Variants in CDH1 observed in about 807,000 individuals in gnomAD.
CDH1 encodes cadherin 1.
In CDH1, 35 loss-of-function variants were observed where a neutral mutation model predicts 84.5. The ratio of observed to expected loss-of-function variants is 0.41; its 90% confidence interval spans 0.32 to 0.55. CDH1 has a LOEUF of 0.55. Ranked by LOEUF, CDH1 falls within the 20% of genes least tolerant of loss-of-function variation. The probability of loss-of-function intolerance (pLI) is 0.19; values close to 1 mark genes in which losing one functional copy is unlikely to be tolerated. For missense variants in CDH1, 994 were observed against 1,126.6 expected (o/e 0.88, Z 1.68); for synonymous variants, 417 against 439.0 (o/e 0.95, Z 0.63).
chr16:68,766,391 C>T (rs1349186232), intron 2 of CDH1, among the ~76,000 whole-genome samples: 1 of 152,212 alleles, frequency 6.6e-6, no homozygotes, highest in Admixed American at 6.5e-5. Context: ...TGCACCGCTT[C>T]CCTTCCTTGA....
rs35590027 is a variant in CDH1 at position 68,793,930 on chromosome 16, C to CA, written c.164-7719dup. On this transcript the variant is annotated intron_variant, in intron 2 of 15. Coordinates refer to ENST00000261769, the MANE Select transcript of CDH1 (RefSeq NM_004360.5). ...TGGGCAACAGAGCAAGACTCTGTCT[C>CA]AAAAAAAAAAAAAAAAAAAAAGTGG... Among the ~76,000 whole-genome samples, 283 of 86,232 alleles carry CA rather than the reference C, an allele frequency of 3.3e-3. 3 individuals carry two copies. Among genetic ancestry groups the CA allele is most frequent in the Middle Eastern group, 0.011 (2 of 174 alleles). 56.6% of individuals were successfully genotyped at this position (86,232 alleles called of 152,430 possible). A position where few individuals can be genotyped will look rare whatever the true frequency, so the allele number is the denominator to read the frequency against.
At chr16:68,791,102 G>C (rs1334190113) in intron 2 of CDH1, among the ~76,000 whole-genome samples, 6 of 152,166 alleles carry the variant, frequency 3.9e-5, no homozygotes, top group Admixed American at 2.0e-4. Context: ...GTGGGCAGGA[G>C]TGGTTATCTG....
intron 2 of CDH1, chr16:68,765,086 C>T (rs1959328748): frequency 6.6e-6 from 1 of 152,346 alleles, no homozygotes; most frequent in African/African-American, 2.4e-5. Flanking sequence ...GAGCAGAAAA[C>T]AGATCCAGCA....
chr16:68,783,134 C>G (rs1046176349), intron 2 of CDH1, among the ~76,000 whole-genome samples: 1 of 152,044 alleles, frequency 6.6e-6, no homozygotes, highest in African/African-American at 2.4e-5. Flanking sequence ...TGGTGGCTCA[C>G]TCCTGTAATC....
chr16:68,754,139 T>G (rs1962961062), intron 2 of CDH1, among the ~76,000 whole-genome samples: 2 of 143,030 alleles, frequency 1.4e-5, no homozygotes, highest in African/African-American at 2.6e-5. Context: ...AAAAAATTAT[T>G]CGGCAGGGCA....
intron 11 of CDH1, 70 bp downstream of exon 11, chr16:68,819,495 CTTTT>C: frequency 6.9e-7 from 1 of 1,455,356 alleles, no homozygotes; most frequent in Non-Finnish European, 9.6e-7. Flanking sequence ...CCCCTCCCTT[CTTTT>C]GGAGGGAAGA....
chr16:68,787,987 C>A (rs9931853), intron 2 of CDH1, among the ~76,000 whole-genome samples: 8 of 151,898 alleles, frequency 5.3e-5, no homozygotes, highest in East Asian at 1.9e-4. Context: ...CACCACGCCC[C>A]GCTAATTTTT....
chr16:68,798,078 C>CAA lies in CDH1; in HGVS notation c.164-3581_164-3580dup, dbSNP rs71148950. Reference sequence around the variant, plus strand: ...TGGGTGACAGAGTGACACTCTGTCTCAAAAAAAAAAAAGACTTTCCCACAT... The same window carrying CAA: ...TGGGTGACAGAGTGACACTCTGTCTCAAAAAAAAAAAAAAGACTTTCCCACAT... On this transcript the variant is annotated intron_variant, in intron 2 of 15. Transcript: ENST00000261769. Among the ~76,000 whole-genome samples, 322 of 139,210 alleles carry CAA rather than the reference C, an allele frequency of 2.3e-3. 1 individual carries two copies. The highest frequency in any genetic ancestry group is 4.7e-3 in the Admixed American group (65 of 13,828). 91.3% of individuals were successfully genotyped at this position (139,210 alleles called of 152,430 possible). A position where few individuals can be genotyped will look rare whatever the true frequency, so the allele number is the denominator to read the frequency against.
rs144500964 is a variant in CDH1, at chr16:68,810,727, G to T, written c.832+386G>T. Among the ~76,000 whole-genome samples the T allele has an allele frequency of 3.2e-4, 49 of 151,978 alleles. 2 individuals are homozygous for T. The East Asian group carries it at 7.0e-3, about 22-fold the overall frequency. On this transcript the variant is annotated intron_variant, in intron 6 of 15. Coordinates refer to ENST00000261769, the MANE Select transcript of CDH1 (RefSeq NM_004360.5). ...AAAAATACAAAAAAATTAGCCGGTC[G>T]TGGTGGCGGGGGCCTGTAATCCCAG...
chr16:68,776,337 A>G (rs1390546766), intron 2 of CDH1, among the ~76,000 whole-genome samples: 1 of 152,174 alleles, frequency 6.6e-6, no homozygotes, highest in Non-Finnish European at 1.5e-5. Flanking sequence ...TAGTTCATAT[A>G]CTTTTACTAT....
In CDH1 at chr16:68,738,409, G is replaced by A. The variant is rs876658680; in HGVS notation, c.161G>A (p.Arg54Lys). 2.6e-6 allele frequency: 4 copies of A among 1,543,472 alleles called. No individual in the cohort carries two copies. The highest frequency in any genetic ancestry group is 3.5e-6 in the Non-Finnish European group (4 of 1,140,820). The change falls in exon 2 of 16, where the codon AGA becomes AAA. Residue 54 changes from arginine (R) to lysine (K), a missense_variant and splice_region_variant. This residue lies in a region of CDH1 where 203 missense variants were observed against 194.0 expected (regional missense o/e 1.05). Transcript: ENST00000261769. The part of the protein sequence containing the change: ...RHLERGRVLG[R>K]VNFEDCTGRQ... ...CTGGAGAGAGGCCGCGTCCTGGGCA[G>A]AGGTGAGGGCGCGCTGCCGGTGTCC...
At chr16:68,802,983 G>A (rs552020630) in intron 3 of CDH1, among the ~76,000 whole-genome samples, 2 of 152,304 alleles carry the variant, frequency 1.3e-5, no homozygotes, top group African/African-American at 2.4e-5. Context: ...AGGATGGATG[G>A]ATGTCTGCCT....
In CDH1 at chr16:68,819,267, TGTCCCC is replaced by T; in HGVS notation, c.1566-10_1566-5del. 6.2e-7 allele frequency: 1 copy of T among 1,614,204 alleles called. No homozygotes were observed. The highest frequency in any genetic ancestry group is 8.5e-7 in the Non-Finnish European group (1 of 1,180,018). The stretch of plus-strand genomic sequence containing the variant: ...TGGTCCTATTCTAAAAGCCAGAGCT[TGTCCCC>T]GTTCAGATATCGGATTTGGAGAGAC... On this transcript the variant is annotated splice_polypyrimidine_tract_variant and splice_region_variant and intron_variant, in intron 10 of 15. Coordinates refer to ENST00000261769, the MANE Select transcript of CDH1 (RefSeq NM_004360.5).
At chr16:68,826,787 T>A (rs895505862) in intron 13 of CDH1, among the ~76,000 whole-genome samples, 46 of 152,174 alleles carry the variant, frequency 3.0e-4, no homozygotes, top group African/African-American at 1.1e-3. Flanking sequence ...GGGGACTGTG[T>A]AGCTCCTATA....
At position 68,808,695 on chromosome 16, in the gene CDH1, C is replaced by T. The variant is rs2152130046; in HGVS notation, c.534C>T (p.Ile178=). The T allele has an allele frequency of 6.2e-7, 1 of 1,614,044 alleles. No homozygotes were observed. Among genetic ancestry groups the T allele is most frequent in the Non-Finnish European group, 8.5e-7 (1 of 1,179,982 alleles). Residue 178 remains isoleucine (I), a splice_region_variant and synonymous_variant, in exon 5 of 16, where the codon ATC becomes ATT. Coordinates refer to ENST00000261769, the MANE Select transcript of CDH1 (RefSeq NM_004360.5). ...TTTTTCTTTCATTTTGTCTTCAGAT[C>T]AAATCCAACAAAGACAAAGAAGGCA... ...KGPFPKNLVQ[I]KSNKDKEGKV...
intron 2 of CDH1, among the ~76,000 whole-genome samples, chr16:68,751,493 CTTATTTAT>C (rs55979620): frequency 1.3e-5 from 2 of 149,116 alleles, no homozygotes; most frequent in Non-Finnish European, 3.0e-5. Flanking sequence ...TCTTGAACCC[CTTATTTAT>C]TTATTTATTT....
intron 2 of CDH1, among the ~76,000 whole-genome samples, chr16:68,792,072 C>A (rs529253523): frequency 6.6e-6 from 1 of 151,608 alleles, no homozygotes; most frequent in African/African-American, 2.4e-5. Flanking sequence ...AGGTGCCCAC[C>A]ACCATGCCCA....
At chr16:68,796,105 G>A (rs1960353204) in intron 2 of CDH1, among the ~76,000 whole-genome samples, 1 of 152,020 alleles carries the variant, frequency 6.6e-6, no homozygotes, top group Non-Finnish European at 1.5e-5. Context: ...GGAGGTTGCA[G>A]TGAGTTGAGA....
At chr16:68,818,019 A>G (rs1596958505) in intron 10 of CDH1, among the ~76,000 whole-genome samples, 1 of 152,094 alleles carries the variant, frequency 6.6e-6, no homozygotes, top group South Asian at 2.1e-4. Context: ...TGGGTGGATC[A>G]TCTGAGGTCA....
Sources: allele counts gnomAD v4.1 joint callset (sites outside exome capture counted in the v4.1 genomes callset), GRCh38; gene constraint gnomAD v4.1.1; regional missense constraint gnomAD v4.1.1; transcripts MANE v1.5; gene names NCBI Gene and HGNC (gene_info 2026-07-23, HGNC 2026-07-21).